TAFA5: variants seen among roughly 807,000 people sequenced by gnomAD.
TAFA5 encodes the protein chemokine-like protein TAFA-5.
Under a neutral mutation model 15.3 loss-of-function variants are expected in TAFA5, and 6 were observed. That is an observed-to-expected ratio of 0.39 (90% CI 0.21 to 0.77). TAFA5 has a LOEUF of 0.77. Ranked by LOEUF, TAFA5 falls within the 30% of genes least tolerant of loss-of-function variation. The probability of loss-of-function intolerance (pLI) is 0.41; values close to 1 mark genes in which losing one functional copy is unlikely to be tolerated. For missense variants in TAFA5, 161 were observed against 193.1 expected (o/e 0.83, Z 0.98); for synonymous variants, 103 against 80.7 (o/e 1.28, Z -1.48).
At chr22:48,630,880 C>G (rs970133484) in intron 1 of TAFA5, among the ~76,000 whole-genome samples, 3 of 152,150 alleles carry the variant, frequency 2.0e-5, no homozygotes, top group Non-Finnish European at 4.4e-5. Flanking sequence ...GCCCCCTATA[C>G]CCAGATACCC....
intron 3 of TAFA5, among the ~76,000 whole-genome samples, chr22:48,716,430 A>T (rs543129731): frequency 6.6e-6 from 1 of 152,220 alleles, no homozygotes; most frequent in South Asian, 2.1e-4. Context: ...AGAAAACCGA[A>T]CACCACGTGT....
chr22:48,686,561 AG>A (rs1485839887), intron 2 of TAFA5, among the ~76,000 whole-genome samples: 3 of 152,268 alleles, frequency 2.0e-5, no homozygotes, highest in African/African-American at 7.2e-5. Context: ...AGGGGGGCAC[AG>A]AAGTTCAAAC....
chr22:48,512,301 G>A (rs1481690112), intron 1 of TAFA5, among the ~76,000 whole-genome samples: 1 of 152,214 alleles, frequency 6.6e-6, no homozygotes, highest in Non-Finnish European at 1.5e-5. Context: ...CTCAAGGAGA[G>A]GTGGAATTTT....
At chr22:48,646,454 C>T (rs1050307219) in intron 1 of TAFA5, 143 bp from the exon 2 acceptor site, 47 of 1,070,456 alleles carry the variant, frequency 4.4e-5, no homozygotes, top group South Asian at 2.5e-4. Context: ...GAGGTGCTTT[C>T]GGACGCTCCC....
rs117982050 is a variant in TAFA5, at chr22:48,649,611, T to A, written c.262+2865T>A. Among the ~76,000 whole-genome samples the A allele has an allele frequency of 2.9e-3, 440 of 152,244 alleles. 8 individuals are homozygous for A. The East Asian group carries it at 0.052, about 18-fold the overall frequency. On this transcript the variant is annotated intron_variant, in intron 2 of 3. Coordinates refer to ENST00000402357, the MANE Select transcript of TAFA5 (RefSeq NM_001082967.3). ...CAGGCCTCGGTTCTACAGAGCTGGA[T>A]CCTGGGGCGAGCTGGGGCAGAGGCG...
chr22:48,542,665 T>TGTGTGTGGTGG, intron 1 of TAFA5, among the ~76,000 whole-genome samples: 1 of 139,632 alleles, frequency 7.2e-6, no homozygotes, highest in East Asian at 2.2e-4. Context: ...GTGTGTGGTG[T>TGTGTGTGGTGG]GTGTGTGATG....
At position 48,583,850 on chromosome 22, in the gene TAFA5, A is replaced by C. The variant is rs546033807; in HGVS notation, c.113-62747A>C. 2.2e-5 allele frequency among the ~76,000 whole-genome samples: 3 copies of C among 136,616 alleles called. No homozygotes were observed. The East Asian group carries it at 6.3e-4, about 29-fold the overall frequency. 89.6% of individuals were successfully genotyped at this position (136,616 alleles called of 152,430 possible). A position where few individuals can be genotyped will look rare whatever the true frequency, so the allele number is the denominator to read the frequency against. On this transcript the variant is annotated intron_variant, in intron 1 of 3. Transcript: ENST00000402357. ...CTACATATATACACACGCCACACAA[A>C]AAATACACCACACACACACGCAACA...
intron 2 of TAFA5, among the ~76,000 whole-genome samples, chr22:48,655,383 G>T (rs773837118): frequency 2.6e-4 from 39 of 152,190 alleles, no homozygotes; most frequent in Non-Finnish European, 4.6e-4. Context: ...GTAAAGAAAA[G>T]AAATTTATTT....
intron 1 of TAFA5, among the ~76,000 whole-genome samples, chr22:48,626,037 C>T (rs1049285937): frequency 2.0e-5 from 3 of 152,184 alleles, no homozygotes; most frequent in African/African-American, 7.2e-5. Context: ...ATCTTGTTAT[C>T]CCCGAGTAAG....
At chr22:48,507,641 A>T (rs1458919671) in intron 1 of TAFA5, among the ~76,000 whole-genome samples, 1 of 152,196 alleles carries the variant, frequency 6.6e-6, no homozygotes, top group Non-Finnish European at 1.5e-5. Flanking sequence ...GGCCTCATTC[A>T]GAGCCAGGAT....
Position 48,563,777 on chromosome 22 carries a change from TCAAGACCC to T in TAFA5, c.112+74078_112+74085del, listed in dbSNP as rs534636497. 5.3e-4 allele frequency among the ~76,000 whole-genome samples: 80 copies of T among 152,166 alleles called. No individual in the cohort carries two copies. The South Asian group carries it at 0.016, about 31-fold the overall frequency. On this transcript the variant is annotated intron_variant, in intron 1 of 3. Transcript: ENST00000402357. ...GAGGACACCAGCTTCCTGACAAAGG[TCAAGACCC>T]CAAGGACCCACGCCAGGTGGCAGCG...
At chr22:48,519,606 C>T (rs1921534583) in intron 1 of TAFA5, among the ~76,000 whole-genome samples, 1 of 147,482 alleles carries the variant, frequency 6.8e-6, no homozygotes, top group Non-Finnish European at 1.5e-5. Flanking sequence ...TGGTGGGAGG[C>T]GGGGACAGGC....
At position 48,552,167 on chromosome 22, in the gene TAFA5, G is replaced by T. The variant is rs1309023669; in HGVS notation, c.112+62463G>T. Among the ~76,000 whole-genome samples, 1 of 152,188 alleles carries T rather than the reference G, an allele frequency of 6.6e-6. No individual in the cohort carries two copies. The highest frequency in any genetic ancestry group is 2.4e-5 in the African/African-American group (1 of 41,448). On this transcript the variant is annotated intron_variant, in intron 1 of 3. Coordinates refer to ENST00000402357, the MANE Select transcript of TAFA5 (RefSeq NM_001082967.3). This position sits in a 1 kb window ranked among gnomAD's most constrained non-coding sequence, Gnocchi z 4.1. Reference sequence around the variant, plus strand: ...GGGACCACCAGAGAGCCCCTCCCAAGGAGTCACCAGTCACAGCGGACCTCA... The same window carrying T: ...GGGACCACCAGAGAGCCCCTCCCAATGAGTCACCAGTCACAGCGGACCTCA...
chr22:48,719,376 A>G (rs931870129), intron 3 of TAFA5, among the ~76,000 whole-genome samples: 2 of 152,306 alleles, frequency 1.3e-5, no homozygotes, highest in South Asian at 4.1e-4. Context: ...CTGGAGTGTG[A>G]TCAGATGGCG....
At position 48,527,068 on chromosome 22, in the gene TAFA5, T is replaced by C. The variant is rs375459297; in HGVS notation, c.112+37364T>C. Among the ~76,000 whole-genome samples, 85 of 152,374 alleles carry C rather than the reference T, an allele frequency of 5.6e-4. No homozygotes were observed. The Middle Eastern group carries it at 0.01, about 18-fold the overall frequency. On this transcript the variant is annotated intron_variant, in intron 1 of 3. Transcript: ENST00000402357. ...AGTCAGATGTGTGCATTTGGAGAAC[T>C]CAGATGTAAGGGGCTTCATTGTAAC...
At chr22:48,537,720 C>T (rs561525666) in intron 1 of TAFA5, among the ~76,000 whole-genome samples, 1 of 152,382 alleles carries the variant, frequency 6.6e-6, no homozygotes, top group East Asian at 1.9e-4. Flanking sequence ...CTGGAGGCCC[C>T]TTTCTGCTCC....
chr22:48,490,446 C>G lies in TAFA5; in HGVS notation c.112+742C>G, dbSNP rs1168200422. 6.6e-6 allele frequency among the ~76,000 whole-genome samples: 1 copy of G among 151,702 alleles called. No homozygotes were observed. The highest frequency in any genetic ancestry group is 2.1e-4 in the South Asian group (1 of 4,798). ...GTGACCGCCGCGGGCTCCCTGTTGC[C>G]TGGAGTGAAGGGTGGGGGGTGGCCT... On this transcript the variant is annotated intron_variant, in intron 1 of 3. Transcript: ENST00000402357. This position sits in a 1 kb window ranked among gnomAD's most constrained non-coding sequence, Gnocchi z 5.8.
chr22:48,605,324 A>G lies in TAFA5; in HGVS notation c.113-41273A>G, dbSNP rs368073247. Reference sequence around the variant, plus strand: ...GATGGTGATGATGGTGGTGATGGTGATGATGGTGATGATGGTGATGGCGAT... The same window carrying G: ...GATGGTGATGATGGTGGTGATGGTGGTGATGGTGATGATGGTGATGGCGAT... On this transcript the variant is annotated intron_variant, in intron 1 of 3. Coordinates refer to ENST00000402357, the MANE Select transcript of TAFA5 (RefSeq NM_001082967.3). Among the ~76,000 whole-genome samples the G allele has an allele frequency of 3.0e-3, 114 of 38,456 alleles. 2 individuals are homozygous for G. The Middle Eastern group carries it at 0.051, about 17-fold the overall frequency. 25.2% of individuals were successfully genotyped at this position (38,456 alleles called of 152,430 possible).
chr22:48,496,390 C>T (rs1017527009), intron 1 of TAFA5, among the ~76,000 whole-genome samples: 4 of 151,916 alleles, frequency 2.6e-5, no homozygotes, highest in African/African-American at 9.7e-5. Flanking sequence ...TGGACAGATG[C>T]TTTTGGTCAC....
Sources: gnomAD v4.1 joint callset for allele counts (sites outside exome capture counted in the v4.1 genomes callset) on GRCh38, gnomAD v4.1.1 for gene constraint, Gnocchi (gnomAD v3.1) non-coding constraint, MANE v1.5 for transcripts, NCBI Gene and HGNC (gene_info 2026-07-23, HGNC 2026-07-21) for gene names.